The following HDAC7 variants were observed in gnomAD, a reference collection of about 807,000 sequenced individuals.
HDAC7 encodes the protein histone deacetylase 7.
In HDAC7, 26 loss-of-function variants were observed where a neutral mutation model predicts 115.5. The observed-to-expected ratio is 0.23, with a 90% CI of 0.16 to 0.31. The LOEUF is 0.31. HDAC7 is among the 10% of genes least tolerant of loss of function. The probability of loss-of-function intolerance (pLI) is 1.00; values close to 1 mark genes in which losing one functional copy is unlikely to be tolerated. For synonymous variants in HDAC7, 564 were observed against 550.9 expected (o/e 1.02, Z -0.33); for missense variants, 1,068 against 1,329.0 (o/e 0.80, Z 3.05).
intron 11 of HDAC7, 49 bp from the exon 12 acceptor site, chr12:47,794,982 TG>T (rs1943730133): frequency 6.6e-7 from 1 of 1,520,076 alleles, no homozygotes; most frequent in East Asian, 2.3e-5. Context: ...GCGAGGGGCA[TG>T]GGGTGGGAGG....
intron 2 of HDAC7, chr12:47,799,218 G>T (rs541232956): frequency 2.3e-6 from 1 of 444,178 alleles, no homozygotes; most frequent in East Asian, 3.7e-5. Flanking sequence ...TGTTTGAACG[G>T]AGTCTTCCGA....
chr12:47,800,336 C>T (rs1944101972), intron 2 of HDAC7, among the ~76,000 whole-genome samples: 4 of 152,210 alleles, frequency 2.6e-5, no homozygotes, highest in Admixed American at 1.3e-4. Context: ...CACCTCCCCT[C>T]AAGGGGCTTT....
Position 47,785,897 on chromosome 12 carries a change from G to A in HDAC7, c.2573-12C>T, listed in dbSNP as rs1943147995. 2 of 1,581,280 alleles carry A rather than the reference G, an allele frequency of 1.3e-6. No individual in the cohort carries two copies. The highest frequency in any genetic ancestry group is 8.6e-7 in the Non-Finnish European group (1 of 1,159,522). On this transcript the variant is annotated splice_polypyrimidine_tract_variant and intron_variant, in intron 22 of 25. Transcript: ENST00000080059. ...CATGTATCCAAAACCTAGAGGTTGG[G>A]AGGGGAGAAATGGGAGGGGCGGGAG...
chr12:47,784,027 G>A, intron 25 of HDAC7, 52 bp downstream of exon 25: 1 of 1,605,502 alleles, frequency 6.2e-7, no homozygotes, highest in Non-Finnish European at 8.5e-7. Context: ...CAAGCAGGGA[G>A]GAATGAAGCG....
chr12:47,796,394 C>T lies in HDAC7; in HGVS notation c.704-96G>A, dbSNP rs116369160. On this transcript the variant is annotated intron_variant, in intron 7 of 25. Coordinates refer to ENST00000080059, the MANE Select transcript of HDAC7 (RefSeq NM_015401.5). ...GGTGCAGGAGACCCGGGAGCACCCCCTTCCTTAACGAGCACCTTTGCTTCC... is the reference window on the plus strand; with the variant it reads ...GGTGCAGGAGACCCGGGAGCACCCCTTTCCTTAACGAGCACCTTTGCTTCC... The T allele has an allele frequency of 1.4e-3, 1,025 of 749,558 alleles. 13 individuals are homozygous for T. In the African/African-American group the frequency reaches 0.016, roughly 12 times the overall value. 46.4% of individuals were successfully genotyped at this position (749,558 alleles called of 1,614,324 possible). A position where few individuals can be genotyped will look rare whatever the true frequency, so the allele number is the denominator to read the frequency against.
chr12:47,805,764 G>A (rs897781808), intron 1 of HDAC7, among the ~76,000 whole-genome samples: 3 of 152,176 alleles, frequency 2.0e-5, no homozygotes, highest in Admixed American at 6.5e-5. Flanking sequence ...GAAGGGGCTA[G>A]GTCACAGCCA....
chr12:47,789,146 T>A (rs1296193009), intron 19 of HDAC7, 115 bp downstream of exon 19: 2 of 820,462 alleles, frequency 2.4e-6, no homozygotes, highest in Non-Finnish European at 4.1e-6. Flanking sequence ...AAGGGGAAAC[T>A]GAGGCTCAGA....
At position 47,791,573 on chromosome 12, in the gene HDAC7, A is replaced by T; in HGVS notation, c.1933+13T>A. The stretch of plus-strand genomic sequence containing the variant: ...TAAGCTGGCATGGGGAGACAGGGCC[A>T]CTAGGCCATTACCTGCCAGCTTCCC... On this transcript the variant is annotated intron_variant, in intron 15 of 25. Transcript: ENST00000080059. The T allele has an allele frequency of 3.1e-6, 5 of 1,599,338 alleles. No individual in the cohort carries two copies. Among genetic ancestry groups the T allele is most frequent in the Non-Finnish European group, 3.4e-6 (4 of 1,172,878 alleles).
rs574291721 is a variant in HDAC7, at chr12:47,793,566, C to A, written c.1481G>T (p.Arg494Leu). The A allele has an allele frequency of 4.5e-6, 7 of 1,544,250 alleles. No homozygotes were observed. The change falls in exon 13 of 26, where the codon CGA (arginine) becomes CTA (leucine). Residue 494 changes from arginine (R) to leucine (L), a missense_variant. Transcript: ENST00000080059. This position sits in a 1 kb window ranked among gnomAD's most constrained non-coding sequence, Gnocchi z 4.5. Reference protein sequence around the residue: ...HPQVLLWEQQRLAGRLPRGST... With the variant: ...HPQVLLWEQQLLAGRLPRGST... ...GCCCCGGGGGAGCCGCCCAGCCAGTCGCTGCTGTTCCCAGAGCAACACCTA... is the reference window on the plus strand; with the variant it reads ...GCCCCGGGGGAGCCGCCCAGCCAGTAGCTGCTGTTCCCAGAGCAACACCTA...
At chr12:47,791,796 C>T in intron 14 of HDAC7, 75 bp downstream of exon 14, 1 of 1,568,376 alleles carries the variant, frequency 6.4e-7, no homozygotes, top group African/African-American at 1.4e-5. Context: ...CTCATGGGCC[C>T]CAGGGCCCCC....
In HDAC7 at chr12:47,793,509, G is replaced by C. The variant is rs139496736; in HGVS notation, c.1538C>G (p.Ala513Gly). 2,901 of 1,548,876 alleles carry C rather than the reference G, an allele frequency of 1.9e-3. 15 individuals are homozygous for C. Among genetic ancestry groups the C allele is most frequent in the Non-Finnish European group, 2.0e-3 (2,263 of 1,147,066 alleles). The change falls in exon 13 of 26, where the codon GCC becomes GGC. Residue 513 changes from alanine to glycine, a missense_variant. Physicochemically the swap from Ala to Gly is moderately conservative, Grantham distance 60. Around this residue, in one of 6 missense-constraint regions of HDAC7, gnomAD observed 618 missense variants for 701.5 expected, o/e 0.88. Coordinates refer to ENST00000080059, the MANE Select transcript of HDAC7 (RefSeq NM_015401.5). The surrounding 1 kb of genome is among the most constrained non-coding windows in gnomAD (Gnocchi z 4.5). ...STGDTVLLPL[A>G]QGGHRPLSRA... is the part of the protein sequence containing the mutation. ...GGACAGAGGCCGGTGCCCACCCTGG[G>C]CCAGAGGAAGCAGCACAGTGTCCCC...
rs1942931139 is a variant in HDAC7 at position 47,782,790 on chromosome 12, A to G, written c.*1051T>C. ...TTTCTTCCTTTTTACAAAAACATGC[A>G]TACATACACAGGGTATGGTGGGTCC... On this transcript the variant is annotated 3_prime_UTR_variant, in exon 26 of 26. Coordinates refer to ENST00000080059, the MANE Select transcript of HDAC7 (RefSeq NM_015401.5). 6.5e-6 allele frequency: 1 copy of G among 152,884 alleles called. No individual in the cohort carries two copies. The highest frequency in any genetic ancestry group is 1.5e-5 in the Non-Finnish European group (1 of 68,042). 9.5% of individuals were successfully genotyped at this position (152,884 alleles called of 1,614,324 possible).
intron 1 of HDAC7, among the ~76,000 whole-genome samples, chr12:47,811,422 G>A (rs1944659633): frequency 6.6e-6 from 1 of 152,146 alleles, no homozygotes; most frequent in Non-Finnish European, 1.5e-5. Context: ...TGGCCAACTG[G>A]GAATTCCGTT....
At chr12:47,819,557 C>G (rs1944958013) in intron 1 of HDAC7, among the ~76,000 whole-genome samples, 1 of 151,772 alleles carries the variant, frequency 6.6e-6, no homozygotes, top group South Asian at 2.1e-4. Flanking sequence ...CCCCCGGAAC[C>G]AGCTCCGACC....
chr12:47,787,573 T>TG, intron 21 of HDAC7, 139 bp downstream of exon 21: 1 of 625,036 alleles, frequency 1.6e-6, no homozygotes, highest in Admixed American at 2.9e-5. Flanking sequence ...TTTGTCCTAT[T>TG]CTCACTGGCG....
At chr12:47,799,226 C>T (rs1020428494) in intron 2 of HDAC7, 9 of 428,968 alleles carry the variant, frequency 2.1e-5, no homozygotes, top group East Asian at 1.1e-4. Context: ...CGGAGTCTTC[C>T]GACTCCACCA....
chr12:47,790,987 C>G (rs1333740933), intron 16 of HDAC7: 11 of 557,934 alleles, frequency 2.0e-5, no homozygotes, highest in Non-Finnish European at 3.2e-5. Context: ...CCAGCCTTGG[C>G]CCTGCTCCTG....
intron 1 of HDAC7, among the ~76,000 whole-genome samples, chr12:47,819,447 C>G (rs931065819): frequency 1.3e-5 from 2 of 152,316 alleles, no homozygotes; most frequent in Admixed American, 6.5e-5. Context: ...ACGTGGGGCC[C>G]GCACACCGGC....
rs900514530 is a variant in HDAC7 at position 47,803,842 on chromosome 12, C to T, written c.20-1568G>A. Among the ~76,000 whole-genome samples, 2 of 152,208 alleles carry T rather than the reference C, an allele frequency of 1.3e-5. No individual in the cohort carries two copies. The highest frequency in any genetic ancestry group is 2.9e-5 in the Non-Finnish European group (2 of 68,038). On this transcript the variant is annotated intron_variant, in intron 1 of 25. Transcript: ENST00000080059. This position sits in a 1 kb window ranked among gnomAD's most constrained non-coding sequence, Gnocchi z 4.0. ...ACTCCCCTCCCCACGACATGGTAACCCCCAATCCCAGGCCTTCTTAGTACC... is the reference window on the plus strand; with the variant it reads ...ACTCCCCTCCCCACGACATGGTAACTCCCAATCCCAGGCCTTCTTAGTACC...
Sources: gnomAD v4.1 joint callset for allele counts (sites outside exome capture counted in the v4.1 genomes callset) on GRCh38, gnomAD v4.1.1 for gene constraint, gnomAD v4.1.1 regional missense constraint, Gnocchi (gnomAD v3.1) non-coding constraint, MANE v1.5 for transcripts, NCBI Gene and HGNC (gene_info 2026-07-23, HGNC 2026-07-21) for gene names.